The following MGAT4A variants were observed in gnomAD, a reference collection of about 807,000 sequenced individuals.
MGAT4A encodes alpha-1,3-mannosyl-glycoprotein 4-beta-N-acetylglucosaminyltransferase A.
MGAT4A carries 33 observed loss-of-function variants against 74.1 expected under a neutral mutation model. That is an observed-to-expected ratio of 0.45 (90% CI 0.34 to 0.60). The LOEUF is 0.60. MGAT4A is among the 20% of genes least tolerant of loss of function. The pLI is 0.02. For missense variants in MGAT4A, 479 were observed against 628.3 expected, an observed-to-expected ratio of 0.76 and a Z score of 2.54; for synonymous variants, 198 against 210.4, an observed-to-expected ratio of 0.94 and a Z score of 0.51.
At chr2:98,700,662 A>C (rs1702342480) in intron 2 of MGAT4A, among the ~76,000 whole-genome samples, 1 of 152,124 alleles carries the variant, frequency 6.6e-6, no homozygotes, top group South Asian at 2.1e-4. Context: ...AGGCCAAGGG[A>C]GGTGGATTAC....
At chr2:98,726,190 C>T (rs1303438830) in intron 2 of MGAT4A, 49 bp downstream of exon 2, 2 of 1,506,334 alleles carry the variant, frequency 1.3e-6, no homozygotes, top group Non-Finnish European at 1.8e-6. Flanking sequence ...CTTAACCAAG[C>T]AAAAACCCTA....
In MGAT4A at chr2:98,655,438, C is replaced by T; in HGVS notation, c.774+7G>A. The T allele has an allele frequency of 6.3e-7, 1 of 1,582,886 alleles. No homozygotes were observed. Among genetic ancestry groups the T allele is most frequent in the Non-Finnish European group, 8.6e-7 (1 of 1,160,990 alleles). On this transcript the variant is annotated splice_region_variant and intron_variant, in intron 8 of 15. Coordinates refer to ENST00000393487, the MANE Select transcript of MGAT4A (RefSeq NM_012214.3). The stretch of plus-strand genomic sequence containing the variant: ...AGCATGAAAAACAAAGGAAAAACTA[C>T]ACTTACCTGAATGTAATATATGCCC...
Position 98,726,368 on chromosome 2 carries a change from A to G in MGAT4A, c.-36T>C. 2 of 1,570,814 alleles carry G rather than the reference A, an allele frequency of 1.3e-6. No individual in the cohort carries two copies. The highest frequency in any genetic ancestry group is 1.8e-6 in the Non-Finnish European group (2 of 1,142,616). Reference sequence around the variant, plus strand: ...CATCACACTGGTCCATATGTTTATGATGACAACAACCAGGACTGTTTTCTT... The same window carrying G: ...CATCACACTGGTCCATATGTTTATGGTGACAACAACCAGGACTGTTTTCTT... On this transcript the variant is annotated 5_prime_UTR_variant, in exon 2 of 16. Coordinates refer to ENST00000393487, the MANE Select transcript of MGAT4A (RefSeq NM_012214.3).
In MGAT4A at chr2:98,658,254, T is replaced by A. The variant is rs1435139019; in HGVS notation, c.548A>T (p.Asp183Val). Residue 183 changes from aspartate to valine, a missense_variant, in exon 6 of 16, where the codon GAT (aspartate) becomes GTT (valine). Asp to Val is a radical substitution (Grantham distance 152). Transcript: ENST00000393487. ...GTTGGCTACAACACCATGTACATAA[T>A]CAATATCTGTCTGGGAAAGAAAAAA... ...IVVFIGETDI[D>V]YVHGVVANLE... 6.4e-7 allele frequency: 1 copy of A among 1,565,016 alleles called. No individual in the cohort carries two copies. The highest frequency in any genetic ancestry group is 1.4e-5 in the African/African-American group (1 of 72,678).
At chr2:98,728,569 G>A (rs1702797356) in intron 1 of MGAT4A, among the ~76,000 whole-genome samples, 5 of 152,068 alleles carry the variant, frequency 3.3e-5, no homozygotes, top group Admixed American at 2.6e-4. Context: ...CCAACATGAC[G>A]AAACCCTGTC....
At chr2:98,724,807 T>C (rs377029931) in intron 2 of MGAT4A, among the ~76,000 whole-genome samples, 4 of 151,976 alleles carry the variant, frequency 2.6e-5, no homozygotes, top group African/African-American at 9.6e-5. Context: ...AAAAAACCCA[T>C]ATACTTTTCT....
intron 8 of MGAT4A, among the ~76,000 whole-genome samples, chr2:98,648,013 T>G (rs1701519821): frequency 6.6e-6 from 1 of 152,200 alleles, no homozygotes. Context: ...ACAGGTAAAA[T>G]CTAACCTGTA....
intron 2 of MGAT4A, among the ~76,000 whole-genome samples, chr2:98,725,341 CATATGCAATATGT>C (rs1702746709): frequency 6.6e-6 from 1 of 152,018 alleles, no homozygotes; most frequent in South Asian, 2.1e-4. Context: ...CAGATATATA[CATATGCAATATGT>C]ATATATAGAC....
chr2:98,666,381 T>A (rs1211572509), intron 4 of MGAT4A, among the ~76,000 whole-genome samples: 1 of 152,100 alleles, frequency 6.6e-6, no homozygotes, highest in Non-Finnish European at 1.5e-5. Context: ...GGAAGCAAAA[T>A]TCCATAGAAT....
At chr2:98,668,742 C>A (rs756368417) in intron 4 of MGAT4A, among the ~76,000 whole-genome samples, 2 of 152,232 alleles carry the variant, frequency 1.3e-5, no homozygotes, top group Non-Finnish European at 2.9e-5. Flanking sequence ...GGGAGGGAGG[C>A]TGTACCCCGC....
At chr2:98,723,591 T>C (rs1702716705) in intron 2 of MGAT4A, among the ~76,000 whole-genome samples, 1 of 152,160 alleles carries the variant, frequency 6.6e-6, no homozygotes, top group Non-Finnish European at 1.5e-5. Flanking sequence ...GTACTGTGAT[T>C]ACCAGCTAAA....
chr2:98,699,974 C>T (rs1006013598), intron 2 of MGAT4A, among the ~76,000 whole-genome samples: 1 of 152,142 alleles, frequency 6.6e-6, no homozygotes, highest in African/African-American at 2.4e-5. Flanking sequence ...ATACGTGACC[C>T]GTCCTTGCCT....
chr2:98,680,579 T>G (rs565154467), intron 2 of MGAT4A, among the ~76,000 whole-genome samples: 1 of 152,214 alleles, frequency 6.6e-6, no homozygotes, highest in African/African-American at 2.4e-5. Flanking sequence ...AGCATGTATG[T>G]CACCGTATTT....
At chr2:98,694,933 C>G (rs1400809045) in intron 2 of MGAT4A, 1 of 153,920 alleles carries the variant, frequency 6.5e-6, no homozygotes, top group Non-Finnish European at 1.5e-5. Flanking sequence ...AGATGCAACC[C>G]CCCCCTTCCG....
At chr2:98,717,040 C>T (rs1309996847) in intron 2 of MGAT4A, among the ~76,000 whole-genome samples, 1 of 152,008 alleles carries the variant, frequency 6.6e-6, no homozygotes, top group Non-Finnish European at 1.5e-5. Context: ...AATCATCAGG[C>T]AAATTCAAAT....
Position 98,622,861 on chromosome 2 carries a change from G to C in MGAT4A, c.*2705C>G. On this transcript the variant is annotated 3_prime_UTR_variant, in exon 16 of 16. Coordinates refer to ENST00000393487, the MANE Select transcript of MGAT4A (RefSeq NM_012214.3). Reference sequence around the variant, plus strand: ...CGACAGCAGGGAGAGGGAGTTAAGAGAGAGAAAGGGGGCTGGACATGGTGG... The same window carrying C: ...CGACAGCAGGGAGAGGGAGTTAAGACAGAGAAAGGGGGCTGGACATGGTGG... 1.0e-6 allele frequency: 1 copy of C among 985,742 alleles called. No homozygotes were observed. The highest frequency in any genetic ancestry group is 1.2e-6 in the Non-Finnish European group (1 of 830,266). 61.1% of individuals were successfully genotyped at this position (985,742 alleles called of 1,614,324 possible).
chr2:98,673,985 GA>G (rs2104284948), intron 4 of MGAT4A, among the ~76,000 whole-genome samples: 1 of 152,316 alleles, frequency 6.6e-6, no homozygotes. Flanking sequence ...TGAATCATTA[GA>G]GAAAGGAAAG....
intron 4 of MGAT4A, among the ~76,000 whole-genome samples, chr2:98,671,802 C>T (rs549888050): frequency 2.6e-5 from 4 of 151,344 alleles, no homozygotes; most frequent in African/African-American, 4.9e-5. Flanking sequence ...TAATCACAAG[C>T]GTCTTTATGA....
chr2:98,640,237 T>TA lies in MGAT4A; in HGVS notation c.1021-10dup, dbSNP rs762544641. On this transcript the variant is annotated splice_polypyrimidine_tract_variant and intron_variant, in intron 10 of 15. Coordinates refer to ENST00000393487, the MANE Select transcript of MGAT4A (RefSeq NM_012214.3). ...TGTCTATCACAATGTTTCTAAATAT[T>TA]AAAAAAAATCACGTTAGTGTTGCAT... 670 of 1,597,374 alleles carry TA rather than the reference T, an allele frequency of 4.2e-4. 1 individual carries two copies. The highest frequency in any genetic ancestry group is 5.1e-4 in the Non-Finnish European group (599 of 1,170,990).
Sources: gnomAD v4.1 joint callset for allele counts (sites outside exome capture counted in the v4.1 genomes callset) on GRCh38, gnomAD v4.1.1 for gene constraint, MANE v1.5 for transcripts, NCBI Gene and HGNC (gene_info 2026-07-23, HGNC 2026-07-21) for gene names.